PRPF18: variants seen among roughly 807,000 people sequenced by gnomAD.
PRPF18 encodes pre-mRNA-splicing factor 18.
A neutral mutation model predicts 46.5 loss-of-function variants in PRPF18; 38 were observed. The ratio of observed to expected loss-of-function variants is 0.82; its 90% confidence interval spans 0.63 to 1.07. The LOEUF (loss-of-function observed/expected upper bound fraction) is 1.07. Among genes scored for constraint, PRPF18 ranks in the 50% least tolerant of loss-of-function variants. The pLI is 0.00. For missense variants in PRPF18, 263 were observed against 410.0 expected (o/e 0.64, Z 3.10); for synonymous variants, 152 against 146.7 (o/e 1.04, Z -0.26).
intron 1 of PRPF18, chr10:13,591,939 T>A (rs1412843860): frequency 2.2e-6 from 3 of 1,344,944 alleles, no homozygotes; most frequent in Non-Finnish European, 3.0e-6. Context: ...TTTTTTTTTT[T>A]TTTTGCCATG....
rs1564457391 is a variant in PRPF18, at chr10:13,611,596, AT to A, written c.511-17del. On this transcript the variant is annotated intron_variant, in intron 5 of 9. Transcript: ENST00000378572. Reference sequence around the variant, plus strand: ...TTGCTCTGTATTAATGAACAGAAGCATTGTTTCTTTTTCTTCAGGCGCTTGG... The same window carrying A: ...TTGCTCTGTATTAATGAACAGAAGCATGTTTCTTTTTCTTCAGGCGCTTGG... The A allele has an allele frequency of 5.6e-6, 9 of 1,607,190 alleles. No homozygotes were observed. Among genetic ancestry groups the A allele is most frequent in the Non-Finnish European group, 7.7e-6 (9 of 1,173,872 alleles).
At chr10:13,588,164 C>G (rs868094302) in intron 1 of PRPF18, among the ~76,000 whole-genome samples, 2 of 152,086 alleles carry the variant, frequency 1.3e-5, no homozygotes, top group African/African-American at 2.4e-5. Context: ...CACCTGTAAT[C>G]CCCACACTTT....
chr10:13,647,233 G>A, the PRPF18 span: 10 of 152,284 alleles, frequency 6.6e-5, no homozygotes, highest in African/African-American at 2.4e-4. Context: ...CACACAAAGG[G>A]GCCGCCTGAA....
At chr10:13,629,465 G>A (rs2134091819) in intron 9 of PRPF18, among the ~76,000 whole-genome samples, 1 of 152,272 alleles carries the variant, frequency 6.6e-6, no homozygotes, top group South Asian at 2.1e-4. Flanking sequence ...CCCAGTTTAA[G>A]AACTAGAACA....
chr10:13,613,991 A>C, intron 7 of PRPF18, 24 bp from the exon 8 acceptor site: 1 of 1,558,588 alleles, frequency 6.4e-7, no homozygotes, highest in Non-Finnish European at 8.7e-7. Flanking sequence ...GTAGCTTCCA[A>C]AATTTCTTAT....
intron 1 of PRPF18, among the ~76,000 whole-genome samples, chr10:13,594,293 A>G (rs544577283): frequency 6.6e-6 from 1 of 152,322 alleles, no homozygotes; most frequent in East Asian, 1.9e-4. Context: ...GTTGGATTCT[A>G]TTTCTCTCTC....
chr10:13,646,474 ATGC>A, the PRPF18 span: 2 of 152,320 alleles, frequency 1.3e-5, no homozygotes, highest in African/African-American at 4.8e-5. Context: ...TAAACTGAAT[ATGC>A]CACGAGGCCT....
the PRPF18 span, chr10:13,636,987 T>C: frequency 6.6e-6 from 1 of 152,244 alleles, no homozygotes; most frequent in African/African-American, 2.4e-5. Flanking sequence ...GCTTGACTTC[T>C]TTGGCTCAGC....
At chr10:13,613,483 G>A (rs1397837504) in intron 6 of PRPF18, among the ~76,000 whole-genome samples, 1 of 152,142 alleles carries the variant, frequency 6.6e-6, no homozygotes, top group Non-Finnish European at 1.5e-5. Flanking sequence ...CTTGATAGTT[G>A]TTTTCTGAGG....
chr10:13,644,258 A>G, the PRPF18 span: 1 of 152,246 alleles, frequency 6.6e-6, no homozygotes, highest in South Asian at 2.1e-4. Flanking sequence ...TAGGGGCTTT[A>G]TATCAGACCA....
the PRPF18 span, chr10:13,652,426 C>A: frequency 5.9e-6 from 1 of 168,382 alleles, no homozygotes; most frequent in Non-Finnish European, 1.3e-5. Flanking sequence ...GGGCATGATT[C>A]AGAAAAGTTG....
intron 6 of PRPF18, among the ~76,000 whole-genome samples, chr10:13,611,967 C>T (rs1425312869): frequency 1.3e-5 from 2 of 151,676 alleles, no homozygotes; most frequent in African/African-American, 2.4e-5. Context: ...GCAACCTCCA[C>T]CTCCCGGGTT....
At chr10:13,646,316 TTA>T in the PRPF18 span, 7 of 151,930 alleles carry the variant, frequency 4.6e-5, no homozygotes, top group African/African-American at 9.8e-5. Flanking sequence ...TCTTAATTTT[TTA>T]TGTTTTTATT....
intron 3 of PRPF18, among the ~76,000 whole-genome samples, chr10:13,603,612 G>A (rs1263324633): frequency 6.6e-6 from 1 of 152,082 alleles, no homozygotes; most frequent in African/African-American, 2.4e-5. Flanking sequence ...GACTGACTTA[G>A]GGTCATCTTT....
chr10:13,587,563 A>G (rs2079894495), intron 1 of PRPF18, among the ~76,000 whole-genome samples: 1 of 152,224 alleles, frequency 6.6e-6, no homozygotes, highest in Middle Eastern at 3.2e-3. Context: ...TCAGATGGGA[A>G]GGGAACGTGC....
At chr10:13,611,518 A>G (rs1385383183) in intron 5 of PRPF18, 97 bp from the exon 6 acceptor site, 4 of 986,222 alleles carry the variant, frequency 4.1e-6, no homozygotes, top group South Asian at 1.5e-5. Context: ...TGAACAGCAT[A>G]TGTGACCAAG....
chr10:13,629,154 C>T (rs1357147986), intron 9 of PRPF18, among the ~76,000 whole-genome samples: 1 of 152,194 alleles, frequency 6.6e-6, no homozygotes, highest in Non-Finnish European at 1.5e-5. Flanking sequence ...GGCCAAACTG[C>T]TGTAGAGACA....
chr10:13,595,222 A>C (rs1380800958), intron 1 of PRPF18, among the ~76,000 whole-genome samples: 1 of 152,178 alleles, frequency 6.6e-6, no homozygotes, highest in African/African-American at 2.4e-5. Flanking sequence ...GTATATCATG[A>C]AAATAAATTT....
intron 9 of PRPF18, among the ~76,000 whole-genome samples, chr10:13,619,415 C>T (rs111394764): frequency 0.037 from 5,602 of 152,274 alleles, 308 homozygotes; most frequent in African/African-American, 0.12. Flanking sequence ...GCAGAGTTGT[C>T]CCAAGGTGGG....
Sources: allele counts gnomAD v4.1 joint callset (sites outside exome capture counted in the v4.1 genomes callset), GRCh38; gene constraint gnomAD v4.1.1; transcripts MANE v1.5; gene names NCBI Gene and HGNC (gene_info 2026-07-23, HGNC 2026-07-21).